SPTB: variants seen among roughly 807,000 people sequenced by gnomAD.
The protein encoded by SPTB is spectrin beta chain, erythrocytic.
A neutral mutation model predicts 256.2 loss-of-function variants in SPTB; 45 were observed. The ratio of observed to expected loss-of-function variants is 0.18; its 90% CI spans 0.14 to 0.23. SPTB has a LOEUF of 0.23. Among genes scored for constraint, SPTB ranks in the 10% least tolerant of loss-of-function variants. The probability of loss-of-function intolerance (pLI) is 1.00; values close to 1 mark genes in which losing one functional copy is unlikely to be tolerated. For synonymous variants in SPTB, 1,231 were observed against 1,243.1 expected, an observed-to-expected ratio of 0.99 and a Z score of 0.21; for missense variants, 2,715 against 3,040.4, an observed-to-expected ratio of 0.89 and a Z score of 2.52.
Position 64,793,026 on chromosome 14 carries a change from G to A in SPTB, c.2637C>T (p.Thr879=), listed in dbSNP as rs373124548. ...KWLAEMEMPD[T]LEDLEVVQHR... is the part of the protein sequence containing the mutation. ...GCTGCACGACCTCCAGGTCCTCCAG[G>A]GTGTCTGGCATTTCCATCTCGGCCA... Residue 879 remains threonine, a synonymous_variant, in exon 14 of 36, where the codon ACC becomes ACT. Coordinates refer to ENST00000644917, the MANE Select transcript of SPTB (RefSeq NM_001355436.2). The surrounding 1 kb of genome is among the most constrained non-coding windows in gnomAD (Gnocchi z 7.0). 8 of 1,613,868 alleles carry A rather than the reference G, an allele frequency of 5.0e-6. No homozygotes were observed. The highest frequency in any genetic ancestry group is 5.9e-6 in the Non-Finnish European group (7 of 1,180,004).
At chr14:64,809,319 AG>A (rs1298551012) in intron 2 of SPTB, among the ~76,000 whole-genome samples, 1 of 149,826 alleles carries the variant, frequency 6.7e-6, no homozygotes, top group Non-Finnish European at 1.5e-5. Flanking sequence ...GAATAGCTAC[AG>A]GTTAGAGAAA....
At position 64,749,849 on chromosome 14, in the gene SPTB, G is replaced by C. The variant is rs1467061861; in HGVS notation, c.6776+132C>G. On this transcript the variant is annotated intron_variant, in intron 34 of 35. Coordinates refer to ENST00000644917, the MANE Select transcript of SPTB (RefSeq NM_001355436.2). The surrounding 1 kb of genome is among the most constrained non-coding windows in gnomAD (Gnocchi z 4.7). ...TGAGAGGTCAAAGTCTGGACCATCAGCCTCTTTGATTTGAAAAACCCCTGA... is the reference window on the plus strand; with the variant it reads ...TGAGAGGTCAAAGTCTGGACCATCACCCTCTTTGATTTGAAAAACCCCTGA... 1.3e-6 allele frequency: 2 copies of C among 1,489,558 alleles called. No individual in the cohort carries two copies. Among genetic ancestry groups the C allele is most frequent in the African/African-American group, 1.4e-5 (1 of 72,036 alleles). 92.3% of individuals were successfully genotyped at this position (1,489,558 alleles called of 1,614,324 possible). A position where few individuals can be genotyped will look rare whatever the true frequency, so the allele number is the denominator to read the frequency against.
In SPTB at chr14:64,823,207, G is replaced by A. The variant is rs534738675; in HGVS notation, c.-51-62C>T. 94 of 1,337,760 alleles carry A rather than the reference G, an allele frequency of 7.0e-5. No individual in the cohort carries two copies. The South Asian group carries it at 1.1e-3, about 15-fold the overall frequency. The allele number at this position is 1,337,760 out of a possible 1,614,324, so 82.9% of individuals were successfully genotyped here. On this transcript the variant is annotated intron_variant, in intron 1 of 35. Coordinates refer to ENST00000644917, the MANE Select transcript of SPTB (RefSeq NM_001355436.2). The surrounding 1 kb of genome is among the most constrained non-coding windows in gnomAD (Gnocchi z 6.5). Reference sequence around the variant, plus strand: ...TACCCCCTCGGACTTTTTCTCCGGGGAAACTTATTCGGAGCATCCAACGTG... The same window carrying A: ...TACCCCCTCGGACTTTTTCTCCGGGAAAACTTATTCGGAGCATCCAACGTG...
chr14:64,815,697 C>G (rs1025747646), intron 2 of SPTB, among the ~76,000 whole-genome samples: 1 of 152,194 alleles, frequency 6.6e-6, no homozygotes, highest in Admixed American at 6.5e-5. Context: ...TCTGGAGAAG[C>G]GCCGATTTGC....
At chr14:64,801,558 G>A (rs2082886525) in intron 6 of SPTB, among the ~76,000 whole-genome samples, 158 bp from the exon 7 acceptor site, 2 of 150,990 alleles carry the variant, frequency 1.3e-5, no homozygotes, top group Non-Finnish European at 2.9e-5. Flanking sequence ...GCAGGTGTGA[G>A]CCTTGGCATA....
rs115103785 is a variant in SPTB, at chr14:64,770,375, G to A, written c.5798+510C>T. Among the ~76,000 whole-genome samples, 1,490 of 152,308 alleles carry A rather than the reference G, an allele frequency of 9.8e-3. 27 individuals carry two copies. The highest frequency in any genetic ancestry group is 0.034 in the African/African-American group (1,420 of 41,550). ...CAGGACAGACACCTTAGGGGCAATA[G>A]GATGGAGATGGATCAGCAATAACTG... On this transcript the variant is annotated intron_variant, in intron 27 of 35. Transcript: ENST00000644917.
intron 1 of SPTB, among the ~76,000 whole-genome samples, chr14:64,837,269 A>G (rs1275241045): frequency 6.6e-6 from 1 of 152,216 alleles, no homozygotes; most frequent in Non-Finnish European, 1.5e-5. Flanking sequence ...CTATTCTAGC[A>G]TCTTGTATTT....
In SPTB at chr14:64,877,733, G is replaced by A. The variant is rs1882893168; in HGVS notation, c.-52+2059C>T. On this transcript the variant is annotated intron_variant, in intron 1 of 35. Coordinates refer to ENST00000644917, the MANE Select transcript of SPTB (RefSeq NM_001355436.2). ...TTACCAAAAACAGTTTGTTTCCAGA[G>A]CTGCAGCAGACCTGTCAAATTTTGA... Among the ~76,000 whole-genome samples the A allele has an allele frequency of 2.6e-5, 4 of 152,204 alleles. No homozygotes were observed. In the South Asian group the frequency reaches 8.3e-4, roughly 32 times the overall value.
chr14:64,835,344 G>A (rs1271044938), intron 1 of SPTB, among the ~76,000 whole-genome samples: 1 of 152,132 alleles, frequency 6.6e-6, no homozygotes, highest in African/African-American at 2.4e-5. Flanking sequence ...CGCCTCTTGG[G>A]TTCAAACAAT....
chr14:64,752,331 A>T, intron 33 of SPTB: 1 of 1,164,410 alleles, frequency 8.6e-7, no homozygotes, highest in Non-Finnish European at 1.1e-6. Flanking sequence ...GAGGGCAGGA[A>T]GGTGGAGAAA....
Position 64,778,987 on chromosome 14 carries a change from G to A in SPTB, c.4563+170C>T, listed in dbSNP as rs2082413420. Among the ~76,000 whole-genome samples, 1 of 152,066 alleles carries A rather than the reference G, an allele frequency of 6.6e-6. No individual in the cohort carries two copies. The highest frequency in any genetic ancestry group is 2.4e-5 in the African/African-American group (1 of 41,392). On this transcript the variant is annotated intron_variant, in intron 22 of 35. Coordinates refer to ENST00000644917, the MANE Select transcript of SPTB (RefSeq NM_001355436.2). The surrounding 1 kb of genome is among the most constrained non-coding windows in gnomAD (Gnocchi z 5.2). ...ATTTGCTCTGTAATCACAAAAACCT[G>A]CTCTTTCTGCTATAAGATTACCAAT... is the stretch of plus-strand genomic sequence containing the variant.
chr14:64,804,070 A>G (rs1255431445), intron 3 of SPTB, among the ~76,000 whole-genome samples: 1 of 152,226 alleles, frequency 6.6e-6, no homozygotes, highest in African/African-American at 2.4e-5. Context: ...GTAACATAAC[A>G]TATGGTTAAT....
chr14:64,753,399 G>T (rs28405664), intron 33 of SPTB, 138 bp downstream of exon 33: 3 of 1,304,542 alleles, frequency 2.3e-6, no homozygotes, highest in Non-Finnish European at 3.2e-6. Flanking sequence ...GCCCAGAGGG[G>T]TGTCTAGGAG....
intron 31 of SPTB, 33 bp from the exon 32 acceptor site, chr14:64,766,834 G>A (rs773671402): frequency 1.9e-6 from 3 of 1,606,484 alleles, no homozygotes; most frequent in Admixed American, 1.7e-5. Flanking sequence ...TTAGAAACAA[G>A]CACCCCTCTG....
At position 64,749,054 on chromosome 14, in the gene SPTB, C is replaced by G. The variant is rs1392707249; in HGVS notation, c.*252G>C. 4.7e-6 allele frequency: 2 copies of G among 424,348 alleles called. No individual in the cohort carries two copies. The highest frequency in any genetic ancestry group is 8.5e-6 in the Non-Finnish European group (2 of 236,140). 26.3% of individuals were successfully genotyped at this position (424,348 alleles called of 1,614,324 possible). ...CGTTTCCTGCCCCCAGGCCTGGAGGCCCCAAAGGCGCCAGAGGAGCTGGGA... is the reference window on the plus strand; with the variant it reads ...CGTTTCCTGCCCCCAGGCCTGGAGGGCCCAAAGGCGCCAGAGGAGCTGGGA... On this transcript the variant is annotated 3_prime_UTR_variant, in exon 36 of 36. Coordinates refer to ENST00000644917, the MANE Select transcript of SPTB (RefSeq NM_001355436.2). The surrounding 1 kb of genome is among the most constrained non-coding windows in gnomAD (Gnocchi z 4.7).
chr14:64,874,365 A>T lies in SPTB; in HGVS notation c.-52+5427T>A, dbSNP rs1176441472. On this transcript the variant is annotated intron_variant, in intron 1 of 35. Transcript: ENST00000644917. The stretch of plus-strand genomic sequence containing the variant: ...TTGTTTGCAAGGCCATTTTCGCACC[A>T]GATCAGTGATTCTCCATCTGATCTC... 3.9e-5 allele frequency among the ~76,000 whole-genome samples: 6 copies of T among 152,312 alleles called. No individual in the cohort carries two copies. In the East Asian group the frequency reaches 1.2e-3, roughly 29 times the overall value.
At position 64,841,269 on chromosome 14, in the gene SPTB, G is replaced by A. The variant is rs893016930; in HGVS notation, c.-51-18124C>T. Among the ~76,000 whole-genome samples, 15 of 152,164 alleles carry A rather than the reference G, an allele frequency of 9.9e-5. No individual in the cohort carries two copies. Among genetic ancestry groups the A allele is most frequent in the African/African-American group, 2.9e-4 (12 of 41,430 alleles). ...TAAATGACAGAGCCAGGATTCAAACGCAGGCAGTCTGAGTCAGAGCCCCTG... is the reference window on the plus strand; with the variant it reads ...TAAATGACAGAGCCAGGATTCAAACACAGGCAGTCTGAGTCAGAGCCCCTG... On this transcript the variant is annotated intron_variant, in intron 1 of 35. Coordinates refer to ENST00000644917, the MANE Select transcript of SPTB (RefSeq NM_001355436.2). The surrounding 1 kb of genome is among the most constrained non-coding windows in gnomAD (Gnocchi z 4.6).
chr14:64,784,124 T>C, intron 19 of SPTB, 123 bp downstream of exon 19: 5 of 1,446,788 alleles, frequency 3.5e-6, no homozygotes, highest in Non-Finnish European at 4.7e-6. Flanking sequence ...TTAGAAAAGT[T>C]GTTCGCTGCC....
chr14:64,803,958 T>TC (rs910076244), intron 3 of SPTB, among the ~76,000 whole-genome samples, 178 bp from the exon 4 acceptor site: 3 of 152,184 alleles, frequency 2.0e-5, no homozygotes, highest in African/African-American at 7.2e-5. Context: ...GCTCAGAGGT[T>TC]CCCTCCAACA....
Sources: gnomAD v4.1 joint callset for allele counts (sites outside exome capture counted in the v4.1 genomes callset) on GRCh38, gnomAD v4.1.1 for gene constraint, Gnocchi (gnomAD v3.1) non-coding constraint, MANE v1.5 for transcripts, NCBI Gene and HGNC (gene_info 2026-07-23, HGNC 2026-07-21) for gene names.